The following KIAA1217 variants were observed in gnomAD, a reference collection of about 807,000 sequenced individuals.
KIAA1217 encodes KIAA1217, also known as sickle tail protein homolog.
A neutral mutation model predicts 163.9 loss-of-function variants in KIAA1217; 88 were observed. The observed-to-expected ratio is 0.54, with a 90% CI of 0.45 to 0.64. KIAA1217 has a LOEUF of 0.64. Ranked by LOEUF, KIAA1217 falls within the 30% of genes least tolerant of loss-of-function variation. The probability of loss-of-function intolerance (pLI) is 0.00; values close to 1 mark genes in which losing one functional copy is unlikely to be tolerated. For missense variants in KIAA1217, 2,372 were observed against 2,475.0 expected, an observed-to-expected ratio of 0.96 and a Z score of 0.88; for synonymous variants, 903 against 923.1, an observed-to-expected ratio of 0.98 and a Z score of 0.39.
intron 1 of KIAA1217, among the ~76,000 whole-genome samples, chr10:23,816,267 C>A (rs533508060): frequency 6.6e-6 from 1 of 152,150 alleles, no homozygotes; most frequent in South Asian, 2.1e-4. Flanking sequence ...TTCCCATGCT[C>A]ACATTTCTTT....
intron 2 of KIAA1217, among the ~76,000 whole-genome samples, chr10:24,022,690 G>A (rs1847785489): frequency 6.6e-6 from 1 of 151,508 alleles, no homozygotes; most frequent in African/African-American, 2.4e-5. Flanking sequence ...TTTCATGGTT[G>A]TCAAAATGTG....
chr10:24,219,822 G>C lies in KIAA1217; in HGVS notation c.267G>C (p.Lys89Asn), dbSNP rs530509113. Residue 89 changes from lysine (K) to asparagine (N), a missense_variant, in exon 2 of 21, where the codon AAG becomes AAC. Transcript: ENST00000376454. ...TGCAAACATCTGAGATGGATCGGAA[G>C]AGAGAAGCGTTCCTAGAACATCTGA... ...LGMQTSEMDR[K>N]REAFLEHLKQ... is the part of the protein sequence containing the mutation. The C allele has an allele frequency of 6.2e-7, 1 of 1,613,990 alleles. No homozygotes were observed. Among genetic ancestry groups the C allele is most frequent in the African/African-American group, 1.3e-5 (1 of 75,044 alleles).
chr10:24,031,574 A>G (rs1349585140), intron 2 of KIAA1217, among the ~76,000 whole-genome samples: 1 of 152,196 alleles, frequency 6.6e-6, no homozygotes, highest in African/African-American at 2.4e-5. Flanking sequence ...TGCTGGAATT[A>G]CAGGCTCACA....
intron 1 of KIAA1217, among the ~76,000 whole-genome samples, chr10:23,825,520 G>A (rs1170399711): frequency 6.6e-6 from 1 of 152,184 alleles, no homozygotes; most frequent in Admixed American, 6.5e-5. Context: ...TAATGAGACT[G>A]TATTTCAGAT....
At chr10:24,037,744 T>G (rs1848457005) in intron 2 of KIAA1217, among the ~76,000 whole-genome samples, 1 of 152,208 alleles carries the variant, frequency 6.6e-6, no homozygotes, top group Non-Finnish European at 1.5e-5. Flanking sequence ...TCTTTTACCC[T>G]GAGATTACTC....
At chr10:24,146,920 G>A (rs536797607) in intron 2 of KIAA1217, among the ~76,000 whole-genome samples, 18 of 149,656 alleles carry the variant, frequency 1.2e-4, no homozygotes, top group South Asian at 4.2e-4. Flanking sequence ...AGGTTTGAGC[G>A]TTGCTCGTAT....
intron 1 of KIAA1217, among the ~76,000 whole-genome samples, chr10:24,217,031 CAAAAAAAAAAAAAAA>C (rs60303909): frequency 4.7e-5 from 1 of 21,322 alleles, no homozygotes; most frequent in Non-Finnish European, 7.6e-5. Flanking sequence ...GACCTTGTCT[CAAAAAAAAAAAAAAA>C]AAAAAAAAAA....
At chr10:24,015,892 C>T (rs1157952963) in intron 2 of KIAA1217, among the ~76,000 whole-genome samples, 1 of 151,954 alleles carries the variant, frequency 6.6e-6, no homozygotes, top group Non-Finnish European at 1.5e-5. Flanking sequence ...GTGCCCTCTT[C>T]CTGTTTGCGT....
chr10:24,182,598 T>G (rs1281878643), intron 2 of KIAA1217, among the ~76,000 whole-genome samples: 1 of 152,182 alleles, frequency 6.6e-6, no homozygotes, highest in Non-Finnish European at 1.5e-5. Flanking sequence ...GTCCTTTGGT[T>G]GGGGGTAAGC....
rs57872451 is a variant in KIAA1217, at chr10:24,500,184, AGTGTGT to A, written c.1835-1166_1835-1161del. Among the ~76,000 whole-genome samples, 189 of 143,252 alleles carry A rather than the reference AGTGTGT, an allele frequency of 1.3e-3. 1 individual carries two copies. The highest frequency in any genetic ancestry group is 3.2e-3 in the African/African-American group (124 of 38,288). The allele number at this position is 143,252 out of a possible 152,430, so 94.0% of individuals were successfully genotyped here. A position where few individuals can be genotyped will look rare whatever the true frequency, so the allele number is the denominator to read the frequency against. On this transcript the variant is annotated intron_variant, in intron 8 of 20. Transcript: ENST00000376454. ...TTTACAGGAAAGAGAACTGAACAGA[AGTGTGT>A]GTGTGTGTGTGTGTGTGTGTGTGTG... is the stretch of plus-strand genomic sequence containing the variant.
Position 24,043,006 on chromosome 10 carries a change from T to G in KIAA1217, c.-171+35632T>G, listed in dbSNP as rs115186033. Among the ~76,000 whole-genome samples, 806 of 152,364 alleles carry G rather than the reference T, an allele frequency of 5.3e-3. 3 individuals are homozygous for G. Among genetic ancestry groups the G allele is most frequent in the African/African-American group, 0.018 (737 of 41,586 alleles). On this transcript the variant is annotated intron_variant, in intron 2 of 18. Transcript: ENST00000376462. ...AAAAATTCCTGCTAGTGTTGTTACC[T>G]GGAGCATTTAAATTAGCCTTCTCAG...
chr10:23,970,467 T>C (rs1312058725), intron 1 of KIAA1217, among the ~76,000 whole-genome samples: 1 of 152,196 alleles, frequency 6.6e-6, no homozygotes, highest in Non-Finnish European at 1.5e-5. Context: ...AGAGCAGTGG[T>C]TACCAGGAGC....
At chr10:23,951,104 A>G (rs1161955875) in intron 1 of KIAA1217, among the ~76,000 whole-genome samples, 2 of 152,180 alleles carry the variant, frequency 1.3e-5, no homozygotes, top group Non-Finnish European at 2.9e-5. Context: ...CTGTGAGAAC[A>G]GGAATTCCAA....
At chr10:23,984,726 C>T (rs1223210589) in intron 1 of KIAA1217, among the ~76,000 whole-genome samples, 1 of 149,844 alleles carries the variant, frequency 6.7e-6, no homozygotes, top group Non-Finnish European at 1.5e-5. Context: ...AACACATGGA[C>T]ATAGGGAGGG....
intron 2 of KIAA1217, among the ~76,000 whole-genome samples, chr10:24,160,072 G>T (rs1468229301): frequency 6.6e-6 from 1 of 152,038 alleles, no homozygotes; most frequent in Non-Finnish European, 1.5e-5. Context: ...TGATCTATTT[G>T]CCCATCTTTT....
intron 2 of KIAA1217, among the ~76,000 whole-genome samples, chr10:24,351,476 T>C (rs988737108): frequency 1.3e-5 from 2 of 152,182 alleles, no homozygotes; most frequent in African/African-American, 4.8e-5. Context: ...GATATAGCTG[T>C]GTTACATGCT....
chr10:24,161,942 T>A (rs534402975), intron 2 of KIAA1217, among the ~76,000 whole-genome samples: 11 of 152,298 alleles, frequency 7.2e-5, no homozygotes, highest in African/African-American at 2.6e-4. Context: ...AAAAGCTTTA[T>A]GAATCTGATG....
Position 24,179,609 on chromosome 10 carries a change from G to T in KIAA1217, c.-170-40017G>T, listed in dbSNP as rs548491352. ...TTCTTTCTTTTCTTTTTTTTTCTGAGATGGAGTCTCACTCTGTCACCCAGG... is the reference window on the plus strand; with the variant it reads ...TTCTTTCTTTTCTTTTTTTTTCTGATATGGAGTCTCACTCTGTCACCCAGG... On this transcript the variant is annotated intron_variant, in intron 2 of 18. Transcript: ENST00000376462. Among the ~76,000 whole-genome samples, 23 of 151,666 alleles carry T rather than the reference G, an allele frequency of 1.5e-4. 1 individual carries two copies. The highest frequency in any genetic ancestry group is 2.2e-4 in the Non-Finnish European group (15 of 67,914).
intron 5 of KIAA1217, among the ~76,000 whole-genome samples, chr10:24,462,744 G>A (rs892006122): frequency 3.3e-5 from 5 of 152,128 alleles, no homozygotes; most frequent in East Asian, 1.9e-4. Flanking sequence ...TGGTGAGCAC[G>A]GGGATTTAAA....
Sources: allele counts gnomAD v4.1 joint callset (sites outside exome capture counted in the v4.1 genomes callset), GRCh38; gene constraint gnomAD v4.1.1; transcripts MANE v1.5; gene names NCBI Gene and HGNC (gene_info 2026-07-23, HGNC 2026-07-21).